TMEM117: variants seen among roughly 807,000 people sequenced by gnomAD.
TMEM117 encodes the protein transmembrane protein 117.
Under a neutral mutation model 52.4 loss-of-function variants are expected in TMEM117, and 27 were observed. The observed-to-expected ratio is 0.51, with a 90% CI of 0.38 to 0.71. The LOEUF is 0.71. TMEM117 is among the 30% of genes least tolerant of loss of function. TMEM117 has a pLI of 0.00. For synonymous variants in TMEM117, 215 were observed against 206.3 expected (o/e 1.04, Z -0.36); for missense variants, 556 against 630.5 (o/e 0.88, Z 1.26).
intron 2 of TMEM117, among the ~76,000 whole-genome samples, chr12:43,896,437 G>T (rs1487431756): frequency 1.3e-5 from 2 of 152,126 alleles, no homozygotes; most frequent in Non-Finnish European, 2.9e-5. Context: ...TTATATGGCA[G>T]TTACATTGTT....
chr12:44,256,312 A>G (rs1360973892), intron 5 of TMEM117, among the ~76,000 whole-genome samples: 1 of 151,970 alleles, frequency 6.6e-6, no homozygotes, highest in Non-Finnish European at 1.5e-5. Flanking sequence ...CATTGGTCAG[A>G]TATATGGAAT....
intron 3 of TMEM117, among the ~76,000 whole-genome samples, chr12:44,067,335 C>G (rs557288760): frequency 6.6e-6 from 1 of 152,122 alleles, no homozygotes; most frequent in Admixed American, 6.5e-5. Flanking sequence ...AATGGTGAAT[C>G]CTTTCCAGAC....
downstream of TMEM117, among the ~76,000 whole-genome samples, chr12:44,394,327 G>A (rs1952172550): frequency 6.6e-6 from 1 of 152,154 alleles, no homozygotes; most frequent in South Asian, 2.1e-4. Flanking sequence ...GCAGATGTGA[G>A]GTGAATATGA....
chr12:43,904,845 T>A (rs1490218807), intron 2 of TMEM117, among the ~76,000 whole-genome samples: 2 of 152,236 alleles, frequency 1.3e-5, no homozygotes, highest in Admixed American at 1.3e-4. Context: ...CATTTGCTTA[T>A]CAAACGATCT....
intron 4 of TMEM117, among the ~76,000 whole-genome samples, chr12:44,156,510 A>T (rs1368660352): frequency 6.6e-6 from 1 of 151,976 alleles, no homozygotes; most frequent in Non-Finnish European, 1.5e-5. Context: ...TCACTCTGGG[A>T]TAGTGGTTTA....
At chr12:44,148,737 T>TATA (rs1283104035) in intron 4 of TMEM117, among the ~76,000 whole-genome samples, 1 of 152,198 alleles carries the variant, frequency 6.6e-6, no homozygotes, top group Admixed American at 6.5e-5. Context: ...CAATCATATT[T>TATA]ATAATTATAT....
At chr12:43,861,295 T>C (rs1029930826) in intron 2 of TMEM117, among the ~76,000 whole-genome samples, 15 of 152,186 alleles carry the variant, frequency 9.9e-5, no homozygotes. Flanking sequence ...ATAGATTTTC[T>C]GTCCATGTCG....
At chr12:43,836,402 A>G (rs1388016193) in intron 1 of TMEM117, among the ~76,000 whole-genome samples, 2 of 152,128 alleles carry the variant, frequency 1.3e-5, no homozygotes, top group African/African-American at 4.8e-5. Flanking sequence ...CCAAAGAGGC[A>G]GGGTGAAGTG....
At chr12:44,101,536 C>T (rs887739575) in intron 3 of TMEM117, among the ~76,000 whole-genome samples, 1 of 151,718 alleles carries the variant, frequency 6.6e-6, no homozygotes, top group African/African-American at 2.4e-5. Flanking sequence ...ATCCTCATAG[C>T]TTGTTGGGCA....
At chr12:44,224,648 T>C (rs1448181981) in intron 5 of TMEM117, among the ~76,000 whole-genome samples, 1 of 152,134 alleles carries the variant, frequency 6.6e-6, no homozygotes, top group Non-Finnish European at 1.5e-5. Context: ...ACTGGGAGCT[T>C]ATTTTTTGTC....
intron 3 of TMEM117, among the ~76,000 whole-genome samples, chr12:44,137,994 A>G (rs543130139): frequency 6.6e-6 from 1 of 152,266 alleles, no homozygotes; most frequent in South Asian, 2.1e-4. Flanking sequence ...TGCATACTTT[A>G]TATCATGTGT....
chr12:44,336,711 G>GT (rs1011065722), intron 6 of TMEM117, among the ~76,000 whole-genome samples: 56 of 150,650 alleles, frequency 3.7e-4, no homozygotes, highest in Admixed American at 8.0e-4. Context: ...AACCATAGGG[G>GT]TTTTTTTTTG....
chr12:44,301,195 G>T (rs79432773), intron 6 of TMEM117, among the ~76,000 whole-genome samples: 6,731 of 152,098 alleles, frequency 0.044, 146 homozygotes, highest in African/African-American at 0.065. Flanking sequence ...CTTCTACTCT[G>T]TTTGTGTAAG....
chr12:43,927,066 T>C (rs1005285853), intron 2 of TMEM117, among the ~76,000 whole-genome samples: 6 of 152,048 alleles, frequency 3.9e-5, no homozygotes, highest in African/African-American at 1.4e-4. Context: ...AAGTTTCCTA[T>C]TTTCAACTAT....
chr12:44,158,536 C>G (rs1055410301), intron 4 of TMEM117, among the ~76,000 whole-genome samples: 1 of 152,136 alleles, frequency 6.6e-6, no homozygotes. Context: ...CTTGACAAGA[C>G]TCCACACAAA....
rs1197489609 is a variant in TMEM117 at position 43,836,194 on chromosome 12, C to T, written c.-31C>T. On this transcript the variant is annotated splice_region_variant and 5_prime_UTR_variant, in exon 1 of 8. Transcript: ENST00000266534. ...TCGCCCCGCGCCCCGCGCGACCCTTCGGGTGAGTACGTGGGCCCGGGCGTT... is the reference window on the plus strand; with the variant it reads ...TCGCCCCGCGCCCCGCGCGACCCTTTGGGTGAGTACGTGGGCCCGGGCGTT... The T allele has an allele frequency of 6.6e-6, 1 of 152,210 alleles. No individual in the cohort carries two copies. The highest frequency in any genetic ancestry group is 1.5e-5 in the Non-Finnish European group (1 of 68,086). The allele number at this position is 152,210 out of a possible 1,614,324, so 9.4% of individuals were successfully genotyped here.
At chr12:43,851,436 T>C (rs1297074723) in intron 2 of TMEM117, among the ~76,000 whole-genome samples, 4 of 152,086 alleles carry the variant, frequency 2.6e-5, no homozygotes, top group Admixed American at 2.6e-4. Context: ...TTCCAGTACC[T>C]CTCTCTCTCA....
rs1008822096 is a variant in TMEM117 at position 44,389,744 on chromosome 12, A to G, written c.*1072A>G. On this transcript the variant is annotated 3_prime_UTR_variant, in exon 8 of 8. Coordinates refer to ENST00000266534, the MANE Select transcript of TMEM117 (RefSeq NM_032256.3). ...AACTAAATATTGCACATTAATAAATAAGAATTATACAGCAGTGATTATGTG... is the reference window on the plus strand; with the variant it reads ...AACTAAATATTGCACATTAATAAATGAGAATTATACAGCAGTGATTATGTG... The G allele has an allele frequency of 2.6e-5, 4 of 152,422 alleles. No homozygotes were observed. Among genetic ancestry groups the G allele is most frequent in the African/African-American group, 4.8e-5 (2 of 41,430 alleles). 9.4% of individuals were successfully genotyped at this position (152,422 alleles called of 1,614,324 possible).
intron 2 of TMEM117, among the ~76,000 whole-genome samples, chr12:43,922,289 A>T (rs1944708193): frequency 6.6e-6 from 1 of 152,176 alleles, no homozygotes; most frequent in African/African-American, 2.4e-5. Flanking sequence ...TGGAGCAGTA[A>T]TTGAATTGTA....
Sources: allele counts gnomAD v4.1 joint callset (sites outside exome capture counted in the v4.1 genomes callset), GRCh38; gene constraint gnomAD v4.1.1; transcripts MANE v1.5; gene names NCBI Gene and HGNC (gene_info 2026-07-23, HGNC 2026-07-21).